Variants in DNA2 observed in about 807,000 individuals in gnomAD.
DNA2 encodes the protein DNA replication ATP-dependent helicase/nuclease DNA2.
Under a neutral mutation model 119.1 loss-of-function variants are expected in DNA2, and 101 were observed. The observed-to-expected ratio is 0.85, with a 90% CI of 0.72 to 1.00. The LOEUF (loss-of-function observed/expected upper bound fraction) is 1.00. Ranked by LOEUF, DNA2 falls within the 50% of genes least tolerant of loss-of-function variation. The pLI is 0.00. For missense variants in DNA2, 1,121 were observed against 1,255.5 expected (o/e 0.89, Z 1.62); for synonymous variants, 366 against 424.4 (o/e 0.86, Z 1.69).
intron 6 of DNA2, among the ~76,000 whole-genome samples, chr10:68,449,004 G>A (rs958243884): frequency 1.6e-5 from 2 of 124,070 alleles, no homozygotes; most frequent in East Asian, 2.8e-4. Context: ...TCACCATGTT[G>A]GCCAGGCTGG....
chr10:68,434,014 C>T (rs1423468042), intron 10 of DNA2, among the ~76,000 whole-genome samples: 1 of 152,192 alleles, frequency 6.6e-6, no homozygotes, highest in Non-Finnish European at 1.5e-5. Context: ...GTGGCTCACG[C>T]CTGTAATCCC....
In DNA2 at chr10:68,471,899, A is replaced by T; in HGVS notation, c.-35T>A. 6.2e-7 allele frequency: 1 copy of T among 1,613,888 alleles called. No homozygotes were observed. Among genetic ancestry groups the T allele is most frequent in the Non-Finnish European group, 8.5e-7 (1 of 1,179,780 alleles). On this transcript the variant is annotated 5_prime_UTR_variant, in exon 1 of 21. Coordinates refer to ENST00000358410, the MANE Select transcript of DNA2 (RefSeq NM_001080449.3). ...GGGGATCGCAAACTGTAGACAGAAA[A>T]GACAGCGGAACCGGGGGTAACACAG... is the stretch of plus-strand genomic sequence containing the variant.
intron 19 of DNA2, among the ~76,000 whole-genome samples, chr10:68,418,404 G>A (rs1425708789): frequency 1.1e-4 from 15 of 137,046 alleles, no homozygotes; most frequent in African/African-American, 3.6e-4. Flanking sequence ...AAGAGGAAAC[G>A]CCGTCTCAAA....
At chr10:68,440,076 G>A (rs945376282) in intron 9 of DNA2, among the ~76,000 whole-genome samples, 4 of 151,852 alleles carry the variant, frequency 2.6e-5, no homozygotes, top group Non-Finnish European at 5.9e-5. Flanking sequence ...GGCTGAGGTG[G>A]GTGGACTGCT....
In DNA2 at chr10:68,430,342, G is replaced by C. The variant is rs1179207473; in HGVS notation, c.2208+94C>G. 5 of 855,326 alleles carry C rather than the reference G, an allele frequency of 5.8e-6. No homozygotes were observed. The East Asian group carries it at 1.1e-4, about 18-fold the overall frequency. The allele number at this position is 855,326 out of a possible 1,614,324, so 53.0% of individuals were successfully genotyped here. ...TATAAATTAATCATGTGCAAATCCA[G>C]TCAATGTGACTAAATTTCCCAGAGT... On this transcript the variant is annotated intron_variant, in intron 14 of 20. Transcript: ENST00000358410.
chr10:68,435,471 T>A (rs1275898047), intron 10 of DNA2, among the ~76,000 whole-genome samples: 2 of 151,732 alleles, frequency 1.3e-5, no homozygotes, highest in Admixed American at 6.6e-5. Flanking sequence ...ATATATATAT[T>A]TTTAGACAGA....
intron 5 of DNA2, among the ~76,000 whole-genome samples, chr10:68,456,163 A>G (rs1438961930): frequency 6.6e-6 from 1 of 152,166 alleles, no homozygotes; most frequent in East Asian, 1.9e-4. Flanking sequence ...CAGAGGTTGC[A>G]GTGAGCCTAA....
At chr10:68,453,714 G>A (rs2052148935) in intron 5 of DNA2, among the ~76,000 whole-genome samples, 2 of 152,094 alleles carry the variant, frequency 1.3e-5, no homozygotes, top group African/African-American at 4.8e-5. Context: ...ACAGTATTCA[G>A]TACAGTAACA....
chr10:68,449,472 T>G (rs557263314), intron 6 of DNA2, among the ~76,000 whole-genome samples: 1 of 152,118 alleles, frequency 6.6e-6, no homozygotes, highest in Non-Finnish European at 1.5e-5. Flanking sequence ...CTTCAATATT[T>G]CGTACACAAT....
At chr10:68,459,512 C>T (rs768019441) in intron 4 of DNA2, among the ~76,000 whole-genome samples, 27 of 152,068 alleles carry the variant, frequency 1.8e-4, no homozygotes, top group Non-Finnish European at 2.8e-4. Flanking sequence ...AGGCCAGTCA[C>T]AAAAGGACTA....
At chr10:68,448,230 T>A (rs186210226) in intron 6 of DNA2, among the ~76,000 whole-genome samples, 1 of 152,162 alleles carries the variant, frequency 6.6e-6, no homozygotes, top group African/African-American at 2.4e-5. Context: ...ATAGCTACTG[T>A]GACAAATAAT....
In DNA2 at chr10:68,471,774, C is replaced by G. The variant is rs751271252; in HGVS notation, c.74+17G>C. ...ATCTCCCGCTTTGTTCCCACACCCT[C>G]CCCCCTCTCCGCTCACAGCTCCGCC... is the stretch of plus-strand genomic sequence containing the variant. On this transcript the variant is annotated intron_variant, in intron 1 of 20. Coordinates refer to ENST00000358410, the MANE Select transcript of DNA2 (RefSeq NM_001080449.3). The G allele has an allele frequency of 3.2e-6, 5 of 1,584,708 alleles. No homozygotes were observed. The highest frequency in any genetic ancestry group is 4.3e-6 in the Non-Finnish European group (5 of 1,166,550).
intron 14 of DNA2, chr10:68,424,826 G>C: frequency 1.1e-6 from 1 of 925,224 alleles, no homozygotes; most frequent in South Asian, 1.3e-5. Flanking sequence ...AGCGTGAGTA[G>C]GCCAACAGCA....
At chr10:68,432,044 A>G in intron 12 of DNA2, 73 bp from the exon 13 acceptor site, 1 of 1,290,200 alleles carries the variant, frequency 7.8e-7, no homozygotes, top group Admixed American at 1.8e-5. Context: ...TTTCATAAGA[A>G]AAGCAGTCTC....
chr10:68,464,948 T>C (rs2052309392), intron 4 of DNA2, among the ~76,000 whole-genome samples: 1 of 150,828 alleles, frequency 6.6e-6, no homozygotes, highest in African/African-American at 2.4e-5. Context: ...AGCCCAGTCG[T>C]TTGAGTACAG....
At chr10:68,469,295 C>T (rs2052359761) in intron 2 of DNA2, among the ~76,000 whole-genome samples, 1 of 151,140 alleles carries the variant, frequency 6.6e-6, no homozygotes, top group African/African-American at 2.4e-5. Context: ...CCTGTAATCC[C>T]ACCACTTTGG....
At chr10:68,426,845 AT>A (rs2051748611) in intron 14 of DNA2, among the ~76,000 whole-genome samples, 1 of 152,024 alleles carries the variant, frequency 6.6e-6, no homozygotes, top group Admixed American at 6.6e-5. Context: ...TCTCAAAAAA[AT>A]AAAATAAATA....
rs548889024 is a variant in DNA2 at position 68,437,879 on chromosome 10, T to C, written c.1416-638A>G. 3.3e-5 allele frequency among the ~76,000 whole-genome samples: 5 copies of C among 152,002 alleles called. No individual in the cohort carries two copies. In the East Asian group the frequency reaches 9.8e-4, roughly 30 times the overall value. Reference sequence around the variant, plus strand: ...GCATACACCACCACGACAAGCTAATTTTTTATATTTTTAGTAGAGACAGGG... The same window carrying C: ...GCATACACCACCACGACAAGCTAATCTTTTATATTTTTAGTAGAGACAGGG... On this transcript the variant is annotated intron_variant, in intron 9 of 20. Transcript: ENST00000358410.
chr10:68,422,115 G>C (rs2051673239), intron 17 of DNA2, 110 bp downstream of exon 17: 16 of 891,006 alleles, frequency 1.8e-5, no homozygotes, highest in Middle Eastern at 6.8e-4. Flanking sequence ...GCCCAGCCTA[G>C]TTTTGCCTTT....
Sources: allele counts gnomAD v4.1 joint callset (sites outside exome capture counted in the v4.1 genomes callset), GRCh38; gene constraint gnomAD v4.1.1; transcripts MANE v1.5; gene names NCBI Gene and HGNC (gene_info 2026-07-23, HGNC 2026-07-21).